GRIP1: variants seen among roughly 807,000 people sequenced by gnomAD.
The protein encoded by GRIP1 is glutamate receptor-interacting protein 1.
GRIP1 carries 45 observed loss-of-function variants against 129.9 expected under a neutral mutation model. The observed-to-expected ratio is 0.35, with a 90% CI of 0.27 to 0.44. The LOEUF is 0.44. GRIP1 is among the 20% of genes least tolerant of loss of function. The pLI is 1.00. For missense variants in GRIP1, 1,196 were observed against 1,396.8 expected (o/e 0.86, Z 2.29); for synonymous variants, 530 against 520.8 (o/e 1.02, Z -0.24).
intron 1 of GRIP1, among the ~76,000 whole-genome samples, chr12:67,016,470 T>C (rs915857649): frequency 1.3e-5 from 2 of 152,228 alleles, no homozygotes; most frequent in Admixed American, 1.3e-4. Flanking sequence ...ACCCTTGGAC[T>C]GAGTAGGTGT....
chr12:66,548,849 A>T (rs2062032216), intron 2 of GRIP1, among the ~76,000 whole-genome samples: 1 of 152,262 alleles, frequency 6.6e-6, no homozygotes, highest in African/African-American at 2.4e-5. Context: ...TTAACATTGA[A>T]ATACCACAGA....
At chr12:66,740,099 A>G (rs963452975) in intron 1 of GRIP1, among the ~76,000 whole-genome samples, 4 of 152,204 alleles carry the variant, frequency 2.6e-5, no homozygotes, top group Non-Finnish European at 1.5e-5. Flanking sequence ...GGAGAGCCTC[A>G]GATAGAGCTG....
At chr12:66,491,705 A>C (rs1592423140) in intron 7 of GRIP1, among the ~76,000 whole-genome samples, 1 of 152,234 alleles carries the variant, frequency 6.6e-6, no homozygotes, top group South Asian at 2.1e-4. Flanking sequence ...GGAAACTCAA[A>C]GTTTATCTTC....
At chr12:66,995,987 T>C (rs1270135486) in intron 1 of GRIP1, among the ~76,000 whole-genome samples, 1 of 152,194 alleles carries the variant, frequency 6.6e-6, no homozygotes, top group African/African-American at 2.4e-5. Context: ...TACGATGGAA[T>C]ATTCTTTGGC....
At position 66,406,516 on chromosome 12, in the gene GRIP1, G is replaced by C. The variant is rs2057196347; in HGVS notation, c.1839-88C>G. The stretch of plus-strand genomic sequence containing the variant: ...GGCATTAAGCATAATGCAGCATTAT[G>C]GTAGTCTTTAGAGGAAAAGAGGTTC... On this transcript the variant is annotated intron_variant, in intron 15 of 24. Transcript: ENST00000359742. The C allele has an allele frequency of 1.3e-5, 17 of 1,272,960 alleles. 1 individual carries two copies. The South Asian group carries it at 1.9e-4, about 14-fold the overall frequency. 78.9% of individuals were successfully genotyped at this position (1,272,960 alleles called of 1,614,324 possible).
intron 1 of GRIP1, among the ~76,000 whole-genome samples, chr12:66,714,973 C>T (rs984246721): frequency 5.9e-5 from 9 of 151,872 alleles, no homozygotes; most frequent in African/African-American, 2.2e-4. Context: ...ATCCATCCAA[C>T]CCATCAGTCA....
intron 1 of GRIP1, among the ~76,000 whole-genome samples, chr12:66,971,207 T>C (rs750060740): frequency 6.6e-6 from 1 of 152,182 alleles, no homozygotes; most frequent in South Asian, 2.1e-4. Context: ...TGTCTGAATG[T>C]ACCTATTTCT....
At chr12:66,548,338 C>T (rs1162955529) in intron 2 of GRIP1, among the ~76,000 whole-genome samples, 1 of 152,126 alleles carries the variant, frequency 6.6e-6, no homozygotes, top group African/African-American at 2.4e-5. Context: ...AAACTTCTGC[C>T]CTAGGACTTT....
chr12:66,463,323 T>C (rs2059191024), intron 8 of GRIP1, among the ~76,000 whole-genome samples: 1 of 148,120 alleles, frequency 6.8e-6, no homozygotes, highest in Non-Finnish European at 1.5e-5. Context: ...ATGTTTTCTC[T>C]TGTCTTTCTT....
intron 1 of GRIP1, among the ~76,000 whole-genome samples, chr12:66,886,969 A>G (rs2137215191): frequency 6.6e-6 from 1 of 152,308 alleles, no homozygotes; most frequent in Non-Finnish European, 1.5e-5. Flanking sequence ...CGAGAGGTCT[A>G]TGTCTCCATG....
intron 1 of GRIP1, among the ~76,000 whole-genome samples, chr12:66,844,667 G>A (rs565904645): frequency 1.6e-4 from 24 of 152,182 alleles, no homozygotes; most frequent in Non-Finnish European, 3.4e-4. Context: ...GTTCACAGTA[G>A]CATTATTCAC....
intron 7 of GRIP1, among the ~76,000 whole-genome samples, chr12:66,496,864 A>G (rs1196626337): frequency 7.3e-6 from 1 of 136,524 alleles, no homozygotes; most frequent in African/African-American, 2.6e-5. Context: ...GGAAAAGAAA[A>G]GAAAGAGAGA....
intron 1 of GRIP1, among the ~76,000 whole-genome samples, chr12:66,831,650 C>A (rs2137019026): frequency 6.6e-6 from 1 of 152,280 alleles, no homozygotes; most frequent in African/African-American, 2.4e-5. Flanking sequence ...GGTCACACAG[C>A]TGGAAAATGG....
At chr12:66,828,220 TATAATC>T (rs1168838570) in intron 1 of GRIP1, among the ~76,000 whole-genome samples, 16 of 152,222 alleles carry the variant, frequency 1.1e-4, no homozygotes, top group African/African-American at 2.9e-4. Context: ...GAATTTTAGA[TATAATC>T]ATAACTATAG....
chr12:66,956,122 C>T (rs906719350), intron 1 of GRIP1, among the ~76,000 whole-genome samples: 3 of 152,276 alleles, frequency 2.0e-5, no homozygotes, highest in East Asian at 1.9e-4. Flanking sequence ...TAACCAAACT[C>T]GGCTTTTTTT....
At chr12:66,723,215 T>C (rs1307339631) in intron 1 of GRIP1, among the ~76,000 whole-genome samples, 79 of 50,938 alleles carry the variant, frequency 1.6e-3, no homozygotes, top group African/African-American at 7.9e-3. Context: ...TCTTTCTTTC[T>C]TTCTTTCTTT....
intron 1 of GRIP1, among the ~76,000 whole-genome samples, chr12:66,599,400 T>C (rs2064183618): frequency 6.6e-6 from 1 of 152,198 alleles, no homozygotes; most frequent in South Asian, 2.1e-4. Context: ...AAGGAGGGCA[T>C]AGCAGCAGAG....
chr12:66,887,190 G>A (rs1386287783), intron 1 of GRIP1, among the ~76,000 whole-genome samples: 1 of 152,142 alleles, frequency 6.6e-6, no homozygotes, highest in Non-Finnish European at 1.5e-5. Context: ...CTTTGCCTTA[G>A]GAGTAAAACA....
At chr12:66,986,682 G>A (rs2042316772) in intron 1 of GRIP1, among the ~76,000 whole-genome samples, 1 of 110,214 alleles carries the variant, frequency 9.1e-6, no homozygotes, top group Non-Finnish European at 1.8e-5. Context: ...CTATTGTGGG[G>A]TGGGGGGAGG....
Sources: gnomAD v4.1 joint callset for allele counts (sites outside exome capture counted in the v4.1 genomes callset) on GRCh38, gnomAD v4.1.1 for gene constraint, MANE v1.5 for transcripts, NCBI Gene and HGNC (gene_info 2026-07-23, HGNC 2026-07-21) for gene names.